Variants in ZBTB41 observed in about 807,000 individuals in gnomAD.
The protein encoded by ZBTB41 is zinc finger and BTB domain containing 41, also known as zinc finger and BTB domain-containing protein 41.
A neutral mutation model predicts 87.6 loss-of-function variants in ZBTB41; 42 were observed. That is an observed-to-expected ratio of 0.48 (90% CI 0.37 to 0.62). The LOEUF is 0.62. ZBTB41 is among the 20% of genes least tolerant of loss of function. ZBTB41 has a pLI of 0.00. For missense variants in ZBTB41, 799 were observed against 1,078.9 expected (o/e 0.74, Z 3.63); for synonymous variants, 364 against 364.0 (o/e 1.00, Z 0.00).
chr1:197,175,579 A>G (rs1045320302), intron 8 of ZBTB41, among the ~76,000 whole-genome samples: 3 of 150,820 alleles, frequency 2.0e-5, no homozygotes, highest in Non-Finnish European at 4.4e-5. Flanking sequence ...ATCTGTGAGG[A>G]TTTCTTACGT....
chr1:197,190,728 G>A (rs766224809), intron 4 of ZBTB41, 34 bp downstream of exon 4: 1 of 1,384,144 alleles, frequency 7.2e-7, no homozygotes, highest in South Asian at 1.3e-5. Flanking sequence ...CATTTACTTT[G>A]GTTTTCTAAT....
rs755611803 is a variant in ZBTB41 at position 197,199,899 on chromosome 1, G to C, written c.575C>G (p.Pro192Arg). 5 of 1,611,770 alleles carry C rather than the reference G, an allele frequency of 3.1e-6. 1 individual carries two copies. Among genetic ancestry groups the C allele is most frequent in the Non-Finnish European group, 4.2e-6 (5 of 1,178,990 alleles). Residue 192 changes from proline to arginine, a missense_variant, in exon 2 of 11, where the codon CCA becomes CGA. This residue lies in a region of ZBTB41 where 294 missense variants were observed against 340.1 expected (regional missense o/e 0.86). Transcript: ENST00000367405. Reference protein sequence around the residue: ...FHSELTEKSSPEETLNELTGR... With the variant: ...FHSELTEKSSREETLNELTGR... ...AGTTAATTCATTTAGTGTTTCTTCTGGTGATGACTTTTCAGTTAGCTCTGA... is the reference window on the plus strand; with the variant it reads ...AGTTAATTCATTTAGTGTTTCTTCTCGTGATGACTTTTCAGTTAGCTCTGA...
intron 10 of ZBTB41, among the ~76,000 whole-genome samples, chr1:197,164,788 A>T (rs867403289): frequency 2.3e-4 from 17 of 75,322 alleles, no homozygotes; most frequent in South Asian, 6.8e-4. Context: ...TATTATATAT[A>T]ATACATATAT....
At chr1:197,177,775 T>A (rs1659648272) in intron 7 of ZBTB41, among the ~76,000 whole-genome samples, 1 of 152,078 alleles carries the variant, frequency 6.6e-6, no homozygotes, top group African/African-American at 2.4e-5. Context: ...TAAGTGTTGA[T>A]TTTACCAAGA....
chr1:197,163,833 T>G (rs1423626423), intron 10 of ZBTB41, among the ~76,000 whole-genome samples: 1 of 151,968 alleles, frequency 6.6e-6, no homozygotes, highest in East Asian at 1.9e-4. Context: ...ATAACCTATC[T>G]AAAGTGCCAA....
Position 197,183,715 on chromosome 1 carries a change from T to A in ZBTB41, c.1547-2598A>T, listed in dbSNP as rs147349848. Among the ~76,000 whole-genome samples the A allele has an allele frequency of 1.7e-3, 262 of 152,358 alleles. 1 individual carries two copies. Among genetic ancestry groups the A allele is most frequent in the Non-Finnish European group, 2.9e-3 (196 of 68,034 alleles). ...CTCCATAAATATTTACTATTTTGAA[T>A]GTCGAATGTACTTTCCTTGTATATT... is the stretch of plus-strand genomic sequence containing the variant. On this transcript the variant is annotated intron_variant, in intron 5 of 10. Coordinates refer to ENST00000367405, the MANE Select transcript of ZBTB41 (RefSeq NM_194314.3).
intron 5 of ZBTB41, among the ~76,000 whole-genome samples, chr1:197,181,433 G>A (rs561118975): frequency 6.6e-6 from 1 of 152,062 alleles, no homozygotes. Flanking sequence ...TTGGGAAAGC[G>A]GGTAATAAAA....
chr1:197,177,801 A>G lies in ZBTB41; in HGVS notation c.1772+616T>C, dbSNP rs79113083. ...TTTACCAAGACCAACTGACTAGACTACCTCTAAAGGGGAAGTATTCAATTT... is the reference window on the plus strand; with the variant it reads ...TTTACCAAGACCAACTGACTAGACTGCCTCTAAAGGGGAAGTATTCAATTT... On this transcript the variant is annotated intron_variant, in intron 7 of 10. Coordinates refer to ENST00000367405, the MANE Select transcript of ZBTB41 (RefSeq NM_194314.3). 1.8e-3 allele frequency among the ~76,000 whole-genome samples: 269 copies of G among 152,194 alleles called. 6 individuals are homozygous for G. In the East Asian group the frequency reaches 0.045, roughly 25 times the overall value.
In ZBTB41 at chr1:197,199,744, G is replaced by C; in HGVS notation, c.730C>G (p.Leu244Val). 2 of 1,613,366 alleles carry C rather than the reference G, an allele frequency of 1.2e-6. No individual in the cohort carries two copies. Among genetic ancestry groups the C allele is most frequent in the Non-Finnish European group, 8.5e-7 (1 of 1,179,878 alleles). ...CTTCTTGCGGAGAAACTTCTCTCCA[G>C]CATTTTTAACCCATGTTTTTTCCCT... The part of the protein sequence containing the change: ...LLGKKHGLKM[L>V]ERSFSARRSK... The change falls in exon 2 of 11, where the codon CTG becomes GTG. Residue 244 changes from leucine (L) to valine (V), a missense_variant. Around this residue, in one of 5 missense-constraint regions of ZBTB41, gnomAD observed 294 missense variants for 340.1 expected, o/e 0.86. Coordinates refer to ENST00000367405, the MANE Select transcript of ZBTB41 (RefSeq NM_194314.3).
intron 3 of ZBTB41, among the ~76,000 whole-genome samples, chr1:197,191,045 A>T (rs1423137831): frequency 6.6e-6 from 1 of 151,374 alleles, no homozygotes; most frequent in African/African-American, 2.4e-5. Flanking sequence ...AAGGTAATAT[A>T]CCTGATTTTT....
At position 197,159,735 on chromosome 1, in the gene ZBTB41, A is replaced by C; in HGVS notation, c.2354T>G (p.Met785Arg). 6.2e-7 allele frequency: 1 copy of C among 1,613,994 alleles called. No homozygotes were observed. The change falls in exon 11 of 11, where the codon ATG becomes AGG. Residue 785 changes from methionine to arginine, a missense_variant. This residue lies in a region of ZBTB41 where 171 missense variants were observed against 191.9 expected (regional missense o/e 0.89). Transcript: ENST00000367405. The part of the protein sequence containing the change: ...KIFQTETKQY[M>R]DQPKVYQSEA... ...CGACTGATAAACTTTGGGCTGGTCC[A>C]TATATTGTTTTGTTTCTGTTTGAAA...
chr1:197,199,939 C>T lies in ZBTB41; in HGVS notation c.535G>A (p.Val179Ile), dbSNP rs772117841. 1.9e-5 allele frequency: 31 copies of T among 1,612,866 alleles called. No individual in the cohort carries two copies. Among genetic ancestry groups the T allele is most frequent in the Non-Finnish European group, 2.5e-5 (30 of 1,179,424 alleles). Reference protein sequence around the residue: ...DAVKLLNNENVAPFHSELTEK... With the variant: ...DAVKLLNNENIAPFHSELTEK... ...GTTAGCTCTGAATGAAAAGGGGCAA[C>T]ATTTTCGTTATTTAACAACTTCACT... Residue 179 changes from valine (V) to isoleucine (I), a missense_variant, in exon 2 of 11, where the codon GTT becomes ATT. By Grantham distance (29) the Val-to-Ile change is conservative. This residue lies in a region of ZBTB41 where 294 missense variants were observed against 340.1 expected (regional missense o/e 0.86). Coordinates refer to ENST00000367405, the MANE Select transcript of ZBTB41 (RefSeq NM_194314.3).
rs1188939621 is a variant in ZBTB41, at chr1:197,199,873, C to T, written c.601G>A (p.Gly201Arg). Residue 201 changes from glycine to arginine, a missense_variant, in exon 2 of 11, where the codon GGA becomes AGA. Around this residue, in one of 5 missense-constraint regions of ZBTB41, gnomAD observed 294 missense variants for 340.1 expected, o/e 0.86. Coordinates refer to ENST00000367405, the MANE Select transcript of ZBTB41 (RefSeq NM_194314.3). ...CACTGATGATTATTTGATAGTCTTC[C>T]AGTTAATTCATTTAGTGTTTCTTCT... ...SPEETLNELT[G>R]RLSNNHQCKF... 4 of 1,609,566 alleles carry T rather than the reference C, an allele frequency of 2.5e-6. No homozygotes were observed. Among genetic ancestry groups the T allele is most frequent in the Non-Finnish European group, 3.4e-6 (4 of 1,178,416 alleles).
chr1:197,162,588 TATTTC>T (rs1194684870), intron 10 of ZBTB41, among the ~76,000 whole-genome samples: 1 of 152,150 alleles, frequency 6.6e-6, no homozygotes, highest in Non-Finnish European at 1.5e-5. Flanking sequence ...ATTTCAGACT[TATTTC>T]AGACTTACAT....
intron 2 of ZBTB41, among the ~76,000 whole-genome samples, chr1:197,197,447 T>C (rs920565657): frequency 3.3e-5 from 5 of 151,222 alleles, no homozygotes; most frequent in African/African-American, 1.2e-4. Flanking sequence ...GTAAAATACA[T>C]TCAGAAAGGT....
intron 10 of ZBTB41, among the ~76,000 whole-genome samples, chr1:197,168,438 T>A (rs1051992748): frequency 6.6e-6 from 1 of 152,096 alleles, no homozygotes; most frequent in African/African-American, 2.4e-5. Flanking sequence ...ATAAACACAT[T>A]TGAAACTAAA....
intron 7 of ZBTB41, among the ~76,000 whole-genome samples, chr1:197,177,709 C>G (rs964867594): frequency 6.6e-6 from 1 of 151,996 alleles, no homozygotes; most frequent in African/African-American, 2.4e-5. Flanking sequence ...TCCAGAGCCT[C>G]TCTCTCTATA....
At chr1:197,201,097 G>A (rs1557991778) in intron 1 of ZBTB41, among the ~76,000 whole-genome samples, 126 bp downstream of exon 1, 1 of 152,222 alleles carries the variant, frequency 6.6e-6, no homozygotes, top group Non-Finnish European at 1.5e-5. Context: ...GTCAACCAGA[G>A]GGACGACTAA....
intron 5 of ZBTB41, among the ~76,000 whole-genome samples, chr1:197,187,166 T>C (rs919336951): frequency 3.9e-5 from 6 of 152,182 alleles, no homozygotes; most frequent in Non-Finnish European, 7.4e-5. Context: ...CTAATTATAC[T>C]CTTACCATCT....
Sources: allele counts gnomAD v4.1 joint callset (sites outside exome capture counted in the v4.1 genomes callset), GRCh38; gene constraint gnomAD v4.1.1; regional missense constraint gnomAD v4.1.1; transcripts MANE v1.5; gene names NCBI Gene and HGNC (gene_info 2026-07-23, HGNC 2026-07-21).